Variants in RAPGEF3 observed in about 807,000 individuals in gnomAD.
The protein encoded by RAPGEF3 is Rap guanine nucleotide exchange factor 3.
RAPGEF3 carries 103 observed loss-of-function variants against 129.8 expected under a neutral mutation model. The observed-to-expected ratio is 0.79, with a 90% CI of 0.68 to 0.93. The LOEUF is 0.93. RAPGEF3 is among the 40% of genes least tolerant of loss of function. The pLI is 0.00. For missense variants in RAPGEF3, 1,117 were observed against 1,207.4 expected, an observed-to-expected ratio of 0.93 and a Z score of 1.11; for synonymous variants, 436 against 482.6, an observed-to-expected ratio of 0.90 and a Z score of 1.26.
chr12:47,743,350 T>C (rs1343419387), intron 18 of RAPGEF3, among the ~76,000 whole-genome samples, 180 bp downstream of exon 18: 2 of 152,230 alleles, frequency 1.3e-5, no homozygotes, highest in South Asian at 2.1e-4. Flanking sequence ...GCTCATGCTC[T>C]TACACACTGC....
At chr12:47,738,269 A>G (rs1216210304) in intron 25 of RAPGEF3, 22 bp from the exon 26 acceptor site, 1 of 1,612,368 alleles carries the variant, frequency 6.2e-7, no homozygotes. Context: ...ACCGGGGCAT[A>G]AGCTCTTGCC....
chr12:47,748,914 G>A lies in RAPGEF3; in HGVS notation c.1059C>T (p.Thr353=), dbSNP rs374160890. The change falls in exon 11 of 28, where the codon ACC becomes ACT. Residue 353 remains threonine, a synonymous_variant. Transcript: ENST00000449771. ...NRIIKDVEAK[T]MRLEEHGKVV... Reference sequence around the variant, plus strand: ...CTTTGCCATGTTCTTCCAGCCGCATGGTCTTTGCCTCCACATCCTGGAGAA... The same window carrying A: ...CTTTGCCATGTTCTTCCAGCCGCATAGTCTTTGCCTCCACATCCTGGAGAA... The A allele has an allele frequency of 3.1e-6, 5 of 1,613,836 alleles. No homozygotes were observed. In the African/African-American group the frequency reaches 6.7e-5, roughly 22 times the overall value.
chr12:47,758,168 T>A, intron 1 of RAPGEF3, 90 bp from the exon 2 acceptor site: 1 of 1,486,342 alleles, frequency 6.7e-7, no homozygotes, highest in Non-Finnish European at 9.0e-7. Flanking sequence ...ACTACTTCCT[T>A]AGAGTCCTCT....
intron 16 of RAPGEF3, chr12:47,745,910 G>A (rs1415674388): frequency 6.6e-6 from 1 of 152,410 alleles, no homozygotes; most frequent in African/African-American, 2.4e-5. Flanking sequence ...GGGGCCCGCA[G>A]GAGGGAAGTC....
intron 17 of RAPGEF3, 77 bp downstream of exon 17, chr12:47,743,910 G>A (rs999092446): frequency 2.4e-5 from 36 of 1,484,268 alleles, no homozygotes; most frequent in Non-Finnish European, 3.1e-5. Context: ...GGTCAAGAGT[G>A]ACGACAGCAG....
rs976724811 is a variant in RAPGEF3, at chr12:47,735,758, T to G, written c.*1809A>C. The G allele has an allele frequency of 2.0e-5, 3 of 152,238 alleles. No homozygotes were observed. Among genetic ancestry groups the G allele is most frequent in the African/African-American group, 7.3e-5 (3 of 41,378 alleles). The allele number at this position is 152,238 out of a possible 1,614,324, so 9.4% of individuals were successfully genotyped here. On this transcript the variant is annotated 3_prime_UTR_variant, in exon 28 of 28. Coordinates refer to ENST00000449771, the MANE Select transcript of RAPGEF3 (RefSeq NM_001098531.4). ...TCGCTGGGCTGGGCTCACCCTAGAG[T>G]CTGAAGAACGGTGAAGGGCCACGGC...
At chr12:47,754,861 G>T (rs190108320) in intron 2 of RAPGEF3, among the ~76,000 whole-genome samples, 1 of 152,280 alleles carries the variant, frequency 6.6e-6, no homozygotes, top group Non-Finnish European at 1.5e-5. Context: ...GAACAGAAAG[G>T]GTTCAGGGCG....
intron 2 of RAPGEF3, 96 bp from the exon 3 acceptor site, chr12:47,752,065 G>T (rs1388394143): frequency 4.5e-6 from 6 of 1,341,120 alleles, no homozygotes; most frequent in Non-Finnish European, 5.3e-6. Flanking sequence ...TCTTGCCTAG[G>T]CCCCAACCCC....
chr12:47,755,150 A>G lies in RAPGEF3; in HGVS notation c.219+2716T>C, dbSNP rs77592457. On this transcript the variant is annotated intron_variant, in intron 2 of 27. Coordinates refer to ENST00000449771, the MANE Select transcript of RAPGEF3 (RefSeq NM_001098531.4). ...GCAGCATGGTGGTTATGTGGTTATG[A>G]GCTTGGACTCTGCAGCCAGATTGCC... is the stretch of plus-strand genomic sequence containing the variant. Among the ~76,000 whole-genome samples the G allele has an allele frequency of 2.2e-4, 33 of 152,192 alleles. No homozygotes were observed. In the East Asian group the frequency reaches 5.4e-3, roughly 25 times the overall value.
chr12:47,742,621 G>A (rs746054126), intron 18 of RAPGEF3, among the ~76,000 whole-genome samples: 4 of 152,148 alleles, frequency 2.6e-5, no homozygotes, highest in African/African-American at 4.8e-5. Context: ...TCCTGAGCCC[G>A]CCATGTTCTC....
At position 47,740,400 on chromosome 12, in the gene RAPGEF3, G is replaced by A; in HGVS notation, c.2232-5C>T. The A allele has an allele frequency of 1.9e-6, 3 of 1,613,540 alleles. No homozygotes were observed. The highest frequency in any genetic ancestry group is 2.5e-6 in the Non-Finnish European group (3 of 1,179,852). ...AGATTCTTCTGCTCCTTGAGGCTGT[G>A]AGCAGAAGACCCAGAGACCCTCAGG... On this transcript the variant is annotated splice_polypyrimidine_tract_variant and splice_region_variant and intron_variant, in intron 21 of 27. Coordinates refer to ENST00000449771, the MANE Select transcript of RAPGEF3 (RefSeq NM_001098531.4).
intron 16 of RAPGEF3, 177 bp downstream of exon 16, chr12:47,746,683 G>A (rs533428926): frequency 2.3e-4 from 188 of 802,022 alleles, no homozygotes; most frequent in Non-Finnish European, 3.8e-4. Context: ...CTCCTGGCAC[G>A]GCCTGGCCCA....
chr12:47,746,447 A>G lies in RAPGEF3; in HGVS notation c.1596+413T>C, dbSNP rs1941420918. 4.4e-5 allele frequency: 24 copies of G among 551,284 alleles called. No homozygotes were observed. In the South Asian group the frequency reaches 5.9e-4, roughly 14 times the overall value. 34.1% of individuals were successfully genotyped at this position (551,284 alleles called of 1,614,324 possible). ...TTTGCTTCCCTTTAAGCCCCAGCTG[A>G]GAATGGCCTGGGGCCCCCTCTGACT... On this transcript the variant is annotated intron_variant, in intron 16 of 27. Transcript: ENST00000449771.
At chr12:47,758,446 C>T in intron 1 of RAPGEF3, 105 bp downstream of exon 1, 1 of 1,582,338 alleles carries the variant, frequency 6.3e-7, no homozygotes, top group Middle Eastern at 1.7e-4. Flanking sequence ...TCCTCTCCTC[C>T]TCAGCCCTGA....
chr12:47,739,389 G>C, intron 23 of RAPGEF3, 159 bp from the exon 24 acceptor site: 1 of 718,790 alleles, frequency 1.4e-6, no homozygotes, highest in East Asian at 2.7e-5. Context: ...TGTCACAGGC[G>C]AACACGGGGC....
At chr12:47,755,920 GTAC>G (rs1277464869) in intron 2 of RAPGEF3, 1 of 152,238 alleles carries the variant, frequency 6.6e-6, no homozygotes, top group Non-Finnish European at 1.5e-5. Context: ...GAGGTAAGAA[GTAC>G]AGCTTCACAG....
At chr12:47,744,807 T>C (rs927332191) in intron 16 of RAPGEF3, 3 of 152,348 alleles carry the variant, frequency 2.0e-5, no homozygotes, top group East Asian at 3.9e-4. Context: ...CTCAATCCAT[T>C]GCTCTTCCCT....
At position 47,740,920 on chromosome 12, in the gene RAPGEF3, G is replaced by A. The variant is rs781767626; in HGVS notation, c.2044C>T (p.His682Tyr). ...DHDWSLFNSI[H>Y]QVELIHYVLG... ...CCCAGCTCTGCCTCCCATACCTGGT[G>A]GATACTGTTGAAGAGGCTCCAGTCG... Residue 682 changes from histidine to tyrosine, a missense_variant, in exon 20 of 28, where the codon CAC becomes TAC. By Grantham distance (83) the His-to-Tyr change is moderately conservative. Around this residue, in one of 3 missense-constraint regions of RAPGEF3, gnomAD observed 643 missense variants for 673.4 expected, o/e 0.95. Coordinates refer to ENST00000449771, the MANE Select transcript of RAPGEF3 (RefSeq NM_001098531.4). The A allele has an allele frequency of 4.3e-6, 7 of 1,614,046 alleles. No homozygotes were observed. Among genetic ancestry groups the A allele is most frequent in the South Asian group, 1.1e-5 (1 of 91,072 alleles).
intron 21 of RAPGEF3, 111 bp downstream of exon 21, chr12:47,740,531 A>G: frequency 6.7e-7 from 1 of 1,491,482 alleles, no homozygotes; most frequent in Non-Finnish European, 9.2e-7. Context: ...CAGGGGACCC[A>G]GGGAACAAAT....
Sources: gnomAD v4.1 joint callset for allele counts (sites outside exome capture counted in the v4.1 genomes callset) on GRCh38, gnomAD v4.1.1 for gene constraint, gnomAD v4.1.1 regional missense constraint, MANE v1.5 for transcripts, NCBI Gene and HGNC (gene_info 2026-07-23, HGNC 2026-07-21) for gene names.